The following ROBO2 variants were observed in gnomAD, a reference collection of about 807,000 sequenced individuals.
ROBO2 encodes roundabout guidance receptor 2.
ROBO2 carries 53 observed loss-of-function variants against 160.8 expected under a neutral mutation model. The ratio of observed to expected loss-of-function variants is 0.33; its 90% CI spans 0.26 to 0.41. The LOEUF is 0.41. ROBO2 is among the 10% of genes least tolerant of loss of function. ROBO2 has a pLI of 1.00. For missense variants in ROBO2, 1,577 were observed against 1,722.4 expected, an observed-to-expected ratio of 0.92 and a Z score of 1.49; for synonymous variants, 664 against 611.7, an observed-to-expected ratio of 1.09 and a Z score of -1.26.
intron 2 of ROBO2, among the ~76,000 whole-genome samples, chr3:77,370,552 C>A (rs1401550007): frequency 6.6e-6 from 1 of 152,182 alleles, no homozygotes; most frequent in African/African-American, 2.4e-5. Flanking sequence ...ATCCAGTGGG[C>A]TGATTCCAAT....
At chr3:76,715,739 C>T (rs267148) in intron 2 of ROBO2, among the ~76,000 whole-genome samples, 69,218 of 151,948 alleles carry the variant, frequency 0.46, 16,404 homozygotes, top group Non-Finnish European at 0.53. Context: ...TTAGCCATTT[C>T]AATCCAATTT....
At chr3:77,108,010 A>G (rs1442951758) in intron 2 of ROBO2, among the ~76,000 whole-genome samples, 3 of 151,782 alleles carry the variant, frequency 2.0e-5, no homozygotes, top group Non-Finnish European at 4.4e-5. Context: ...GTGTGTGCAT[A>G]TAAACATACA....
intron 2 of ROBO2, among the ~76,000 whole-genome samples, chr3:76,681,803 G>T (rs1438161292): frequency 1.3e-5 from 2 of 151,908 alleles, no homozygotes; most frequent in African/African-American, 2.4e-5. Context: ...TACTTTCAAT[G>T]GCAAAAACAG....
At chr3:77,282,731 A>G (rs1244565425) in intron 2 of ROBO2, among the ~76,000 whole-genome samples, 1 of 152,148 alleles carries the variant, frequency 6.6e-6, no homozygotes, top group Non-Finnish European at 1.5e-5. Flanking sequence ...ACATTTTATG[A>G]TAAGCATAAT....
At chr3:76,589,682 G>A (rs139001243) in intron 2 of ROBO2, among the ~76,000 whole-genome samples, 1 of 152,128 alleles carries the variant, frequency 6.6e-6, no homozygotes, top group Non-Finnish European at 1.5e-5. Flanking sequence ...TAATTTTTGA[G>A]CCATTTTTTC....
chr3:76,252,518 A>C (rs1478208185), intron 2 of ROBO2, among the ~76,000 whole-genome samples: 1 of 152,016 alleles, frequency 6.6e-6, no homozygotes, highest in Non-Finnish European at 1.5e-5. Context: ...ACAGTTCTCC[A>C]GAGAAACAAT....
chr3:76,939,979 A>ATTTTTTTTTTTTT (rs71104641), intron 2 of ROBO2, among the ~76,000 whole-genome samples: 3 of 120,552 alleles, frequency 2.5e-5, no homozygotes, highest in Non-Finnish European at 3.2e-5. Context: ...AAGCAACAGG[A>ATTTTTTTTTTTTT]TTTTTTTTTT....
At chr3:76,054,212 T>C (rs2067755938) in intron 2 of ROBO2, among the ~76,000 whole-genome samples, 1 of 152,132 alleles carries the variant, frequency 6.6e-6, no homozygotes, top group African/African-American at 2.4e-5. Context: ...TGAGGTGAAA[T>C]GTCTTAGTTT....
intron 2 of ROBO2, among the ~76,000 whole-genome samples, chr3:76,573,602 T>C (rs2085092883): frequency 6.6e-6 from 1 of 152,048 alleles, no homozygotes; most frequent in Non-Finnish European, 1.5e-5. Flanking sequence ...GATTTATTTT[T>C]CTCCACTGAC....
chr3:77,090,788 C>A (rs2070121875), intron 1 of ROBO2, among the ~76,000 whole-genome samples: 1 of 152,174 alleles, frequency 6.6e-6, no homozygotes, highest in Non-Finnish European at 1.5e-5. Context: ...AGGCAACCTT[C>A]ACCTTTTCGT....
intron 2 of ROBO2, among the ~76,000 whole-genome samples, chr3:77,031,721 T>C (rs1305442291): frequency 6.8e-6 from 1 of 147,488 alleles, no homozygotes; most frequent in Non-Finnish European, 1.5e-5. Context: ...ATTATATTAT[T>C]ATATATAATA....
intron 2 of ROBO2, among the ~76,000 whole-genome samples, chr3:76,987,842 T>G (rs1478342673): frequency 6.6e-6 from 1 of 152,144 alleles, no homozygotes; most frequent in Non-Finnish European, 1.5e-5. Flanking sequence ...GAGAATTTTT[T>G]TTTGCATGGC....
intron 2 of ROBO2, among the ~76,000 whole-genome samples, chr3:77,027,219 C>T (rs888467568): frequency 1.3e-5 from 2 of 152,144 alleles, no homozygotes; most frequent in Non-Finnish European, 2.9e-5. Flanking sequence ...ATAATCCCCT[C>T]ATATGTCTTT....
intron 21 of ROBO2, among the ~76,000 whole-genome samples, chr3:77,610,866 A>G (rs888394539): frequency 2.0e-5 from 3 of 151,296 alleles, no homozygotes; most frequent in African/African-American, 7.3e-5. Context: ...CTTTAAGGTT[A>G]TCTGCCTTAA....
intron 2 of ROBO2, among the ~76,000 whole-genome samples, chr3:75,941,859 T>C (rs1001061008): frequency 1.4e-4 from 21 of 152,174 alleles, no homozygotes; most frequent in Admixed American, 1.2e-3. Context: ...CAAGTAATTA[T>C]ATGAAGACAA....
At chr3:76,758,335 A>G (rs887131612) in intron 2 of ROBO2, among the ~76,000 whole-genome samples, 1 of 151,798 alleles carries the variant, frequency 6.6e-6, no homozygotes, top group African/African-American at 2.4e-5. Flanking sequence ...GCTTGCCTGT[A>G]CTAAAACAGA....
chr3:76,158,729 T>C (rs2072507676), intron 2 of ROBO2, among the ~76,000 whole-genome samples: 1 of 152,056 alleles, frequency 6.6e-6, no homozygotes, highest in Non-Finnish European at 1.5e-5. Context: ...AAGGTGGCAG[T>C]TTGGTGAGAA....
chr3:77,540,167 A>G (rs1306508549), intron 6 of ROBO2, among the ~76,000 whole-genome samples: 2 of 152,210 alleles, frequency 1.3e-5, no homozygotes, highest in African/African-American at 4.8e-5. Flanking sequence ...GTGCTTAAGA[A>G]AGGTTATACT....
chr3:76,647,865 A>G (rs924063646), intron 2 of ROBO2, among the ~76,000 whole-genome samples: 2 of 152,118 alleles, frequency 1.3e-5, no homozygotes, highest in Non-Finnish European at 2.9e-5. Context: ...AATGTGGGGG[A>G]AAAACAAAAA....
Sources: gnomAD v4.1 joint callset for allele counts (sites outside exome capture counted in the v4.1 genomes callset) on GRCh38, gnomAD v4.1.1 for gene constraint, MANE v1.5 for transcripts, NCBI Gene and HGNC (gene_info 2026-07-23, HGNC 2026-07-21) for gene names.